The following KLHL3 variants were observed in gnomAD, a reference collection of about 807,000 sequenced individuals.
The protein encoded by KLHL3 is kelch-like protein 3.
In KLHL3, 19 loss-of-function variants were observed where a neutral mutation model predicts 70.5. The ratio of observed to expected loss-of-function variants is 0.27; its 90% CI spans 0.19 to 0.40. The LOEUF (loss-of-function observed/expected upper bound fraction) is 0.40, where lower values mean the gene tolerates loss of function less well. Among genes scored for constraint, KLHL3 ranks in the 10% least tolerant of loss-of-function variants. KLHL3 has a pLI of 1.00. For missense variants in KLHL3, 512 were observed against 771.1 expected (o/e 0.66, Z 3.98); for synonymous variants, 258 against 290.3 (o/e 0.89, Z 1.13).
At chr5:137,656,740 C>G (rs911193348) in intron 8 of KLHL3, among the ~76,000 whole-genome samples, 1 of 152,254 alleles carries the variant, frequency 6.6e-6, no homozygotes, top group Non-Finnish European at 1.5e-5. Context: ...CACTAGGCAA[C>G]GTGAGGCCAA....
At chr5:137,723,539 A>T (rs939827855) in intron 1 of KLHL3, among the ~76,000 whole-genome samples, 1 of 152,122 alleles carries the variant, frequency 6.6e-6, no homozygotes, top group Non-Finnish European at 1.5e-5. Context: ...ATGTTTTCTG[A>T]TTGTTATAGT....
intron 5 of KLHL3, among the ~76,000 whole-genome samples, chr5:137,681,276 G>T (rs1057181617): frequency 6.6e-6 from 1 of 152,112 alleles, no homozygotes; most frequent in African/African-American, 2.4e-5. Flanking sequence ...AACTCTTAAC[G>T]TATGATGTAT....
intron 13 of KLHL3, among the ~76,000 whole-genome samples, chr5:137,627,868 C>T (rs1750518525): frequency 6.6e-6 from 1 of 152,202 alleles, no homozygotes; most frequent in African/African-American, 2.4e-5. Flanking sequence ...AGACTGCTTT[C>T]AAGTAGGAAG....
rs749851431 is a variant in KLHL3, at chr5:137,720,497, C to T, written c.102G>A (p.Gly34=). ...RTITVNPAHM[G]KAFKVMNELR... ...GTTCATTCATAACCTTGAATGCTTT[C>T]CCCATGTGGGCAGGGTTGACAGTGA... The change falls in exon 2 of 15, where the codon GGG becomes GGA. Residue 34 remains glycine (G), a synonymous_variant. Coordinates refer to ENST00000309755, the MANE Select transcript of KLHL3 (RefSeq NM_017415.3). The T allele has an allele frequency of 7.4e-6, 12 of 1,614,116 alleles. No individual in the cohort carries two copies. The Admixed American group carries it at 2.0e-4, about 27-fold the overall frequency.
chr5:137,638,836 C>T, intron 10 of KLHL3, 117 bp downstream of exon 10: 1 of 956,040 alleles, frequency 1.0e-6, no homozygotes, highest in Non-Finnish European at 1.6e-6. Context: ...TGGATATGTC[C>T]CTGGGGCAGT....
intron 11 of KLHL3, among the ~76,000 whole-genome samples, chr5:137,635,062 TACTC>T (rs1308116690): frequency 6.6e-6 from 1 of 152,208 alleles, no homozygotes; most frequent in African/African-American, 2.4e-5. Context: ...CAGGATTACT[TACTC>T]AGTAGATTTT....
At chr5:137,715,966 A>G (rs920816126) in intron 2 of KLHL3, among the ~76,000 whole-genome samples, 2 of 152,212 alleles carry the variant, frequency 1.3e-5, no homozygotes, top group South Asian at 2.1e-4. Flanking sequence ...GGGTCACACA[A>G]TAAGTACTAG....
chr5:137,673,114 T>C (rs1751802336), intron 6 of KLHL3, among the ~76,000 whole-genome samples: 1 of 152,320 alleles, frequency 6.6e-6, no homozygotes, highest in East Asian at 1.9e-4. Context: ...TCCTTATCTA[T>C]GAGGAACATC....
intron 6 of KLHL3, among the ~76,000 whole-genome samples, chr5:137,664,800 A>G (rs1751573161): frequency 6.6e-6 from 1 of 152,184 alleles, no homozygotes; most frequent in African/African-American, 2.4e-5. Flanking sequence ...CCCGGGCAAC[A>G]CAGCAAGAGC....
chr5:137,725,105 C>T (rs1264702077), intron 1 of KLHL3: 1 of 972,324 alleles, frequency 1.0e-6, no homozygotes, highest in Non-Finnish European at 1.2e-6. Flanking sequence ...TGCCCCATCC[C>T]CACCCTATCA....
At chr5:137,698,545 A>C (rs1580771079) in intron 3 of KLHL3, 137 bp from the exon 4 acceptor site, 2 of 955,944 alleles carry the variant, frequency 2.1e-6, no homozygotes, top group East Asian at 4.8e-5. Flanking sequence ...GGATTCAGGC[A>C]CAGAAGAGGA....
chr5:137,697,947 C>G (rs1017928978), intron 4 of KLHL3, among the ~76,000 whole-genome samples: 29 of 152,178 alleles, frequency 1.9e-4, no homozygotes, highest in Admixed American at 1.2e-3. Flanking sequence ...GAGACGATGA[C>G]CTGGGGAGAA....
intron 7 of KLHL3, 116 bp from the exon 8 acceptor site, chr5:137,658,396 C>A: frequency 1.0e-6 from 1 of 961,434 alleles, no homozygotes; most frequent in South Asian, 1.4e-5. Context: ...TTCACCACAT[C>A]ATCTCAGACC....
chr5:137,663,457 T>A (rs1356758106), intron 6 of KLHL3, among the ~76,000 whole-genome samples: 1 of 151,772 alleles, frequency 6.6e-6, no homozygotes, highest in Non-Finnish European at 1.5e-5. Context: ...CCTCCGCACA[T>A]CCTCCCATAT....
At chr5:137,658,056 C>T in intron 8 of KLHL3, 75 bp downstream of exon 8, 1 of 1,442,686 alleles carries the variant, frequency 6.9e-7, no homozygotes, top group Non-Finnish European at 9.4e-7. Context: ...TGAGGAAAGA[C>T]TTGGAGGCAG....
intron 11 of KLHL3, among the ~76,000 whole-genome samples, chr5:137,635,897 C>T (rs909825783): frequency 6.6e-6 from 1 of 152,266 alleles, no homozygotes; most frequent in East Asian, 1.9e-4. Flanking sequence ...CCTCCTCTAA[C>T]CCCCATCAAC....
intron 6 of KLHL3, among the ~76,000 whole-genome samples, chr5:137,670,425 TA>T (rs1450380552): frequency 6.6e-6 from 1 of 151,512 alleles, no homozygotes; most frequent in Non-Finnish European, 1.5e-5. Flanking sequence ...AAAGGTGGCT[TA>T]AAGACTCTAC....
rs944947587 is a variant in KLHL3 at position 137,704,152 on chromosome 5, G to A, written c.241+5598C>T. Among the ~76,000 whole-genome samples, 5 of 152,246 alleles carry A rather than the reference G, an allele frequency of 3.3e-5. No individual in the cohort carries two copies. The East Asian group carries it at 5.8e-4, about 18-fold the overall frequency. On this transcript the variant is annotated intron_variant, in intron 3 of 14. Transcript: ENST00000309755. The stretch of plus-strand genomic sequence containing the variant: ...TGTAATCCCAGCACTTTGGGAGGCC[G>A]AGGCGGGTGGATCATGAGGTCAGGA...
intron 8 of KLHL3, among the ~76,000 whole-genome samples, chr5:137,657,810 A>C (rs1751379015): frequency 6.6e-6 from 1 of 152,214 alleles, no homozygotes; most frequent in Non-Finnish European, 1.5e-5. Flanking sequence ...CAACATAGCC[A>C]TTCCTCTGCT....
Sources: allele counts gnomAD v4.1 joint callset (sites outside exome capture counted in the v4.1 genomes callset), GRCh38; gene constraint gnomAD v4.1.1; transcripts MANE v1.5; gene names NCBI Gene and HGNC (gene_info 2026-07-23, HGNC 2026-07-21).